The following NBAS variants were observed in gnomAD, a reference collection of about 807,000 sequenced individuals.
NBAS encodes the protein NBAS subunit of NRZ tethering complex.
A neutral mutation model predicts 302.5 loss-of-function variants in NBAS; 219 were observed. The ratio of observed to expected loss-of-function variants is 0.72; its 90% CI spans 0.65 to 0.81. The LOEUF is 0.81. Ranked by LOEUF, NBAS falls within the 30% of genes least tolerant of loss-of-function variation. The pLI, the probability that NBAS is intolerant of heterozygous loss-of-function variation, is 0.00. For synonymous variants in NBAS, 1,118 were observed against 1,021.6 expected, an observed-to-expected ratio of 1.09 and a Z score of -1.80; for missense variants, 2,932 against 2,841.6, an observed-to-expected ratio of 1.03 and a Z score of -0.72.
intron 21 of NBAS, among the ~76,000 whole-genome samples, chr2:15,439,961 A>C (rs1572853097): frequency 6.6e-6 from 1 of 152,220 alleles, no homozygotes; most frequent in Admixed American, 6.5e-5. Context: ...GGGAGGGGCA[A>C]CCGCCATTGC....
chr2:15,186,533 A>G (rs1394153655), intron 50 of NBAS, among the ~76,000 whole-genome samples: 2 of 152,196 alleles, frequency 1.3e-5, no homozygotes, highest in Admixed American at 1.3e-4. Flanking sequence ...GAACTTGTAC[A>G]GGAAACGCTG....
intron 35 of NBAS, among the ~76,000 whole-genome samples, chr2:15,332,545 A>T (rs892610651): frequency 2.0e-5 from 3 of 152,184 alleles, no homozygotes; most frequent in African/African-American, 7.2e-5. Context: ...CATGCAAAAA[A>T]AAAATAAAAT....
the NBAS span, among the ~76,000 whole-genome samples, chr2:14,924,969 T>C: frequency 6.6e-6 from 1 of 152,218 alleles, no homozygotes; most frequent in Non-Finnish European, 1.5e-5. Context: ...CTGACAGAAA[T>C]CTGCCTACTC....
chr2:15,244,337 C>A (rs1245718834), intron 44 of NBAS, among the ~76,000 whole-genome samples: 2 of 151,984 alleles, frequency 1.3e-5, no homozygotes, highest in Non-Finnish European at 2.9e-5. Context: ...CTCATGTGGC[C>A]CAGGAAGGAA....
the NBAS span, among the ~76,000 whole-genome samples, chr2:15,009,693 C>CATATATATATATATATATAT: frequency 7.8e-4 from 99 of 126,544 alleles, 1 homozygote; most frequent in Middle Eastern, 4.3e-3. Context: ...TGTAGGAATG[C>CATATATATATATATATATAT]ATATATATAT....
intron 21 of NBAS, among the ~76,000 whole-genome samples, chr2:15,459,503 C>CTTTTTTTTTTTTTT (rs66914120): frequency 2.1e-5 from 3 of 141,378 alleles, no homozygotes; most frequent in Non-Finnish European, 3.1e-5. Flanking sequence ...AGCATTTTTT[C>CTTTTTTTTTTTTTT]TTTTTTTTTG....
At chr2:15,560,027 G>A (rs532202586) in intron 1 of NBAS, among the ~76,000 whole-genome samples, 62 of 152,188 alleles carry the variant, frequency 4.1e-4, no homozygotes, top group African/African-American at 1.3e-3. Context: ...CAGTGGGAAG[G>A]AGGCTACAGA....
intron 25 of NBAS, 120 bp from the exon 26 acceptor site, chr2:15,402,421 T>C (rs545221710): frequency 1.1e-6 from 1 of 946,724 alleles, no homozygotes; most frequent in African/African-American, 1.6e-5. Flanking sequence ...TAGAAACAAG[T>C]CTTGATTTTT....
chr2:15,425,004 A>G (rs765082399), intron 22 of NBAS, among the ~76,000 whole-genome samples: 1 of 152,170 alleles, frequency 6.6e-6, no homozygotes, highest in Non-Finnish European at 1.5e-5. Flanking sequence ...TGACATTTGC[A>G]CAGCACAGGA....
chr2:15,036,466 C>T, the NBAS span, among the ~76,000 whole-genome samples: 12 of 152,302 alleles, frequency 7.9e-5, no homozygotes, highest in African/African-American at 2.9e-4. Context: ...TTCAAGATCA[C>T]ATCGGTAATA....
At chr2:15,281,439 G>C (rs1287842866) in intron 42 of NBAS, among the ~76,000 whole-genome samples, 1 of 152,162 alleles carries the variant, frequency 6.6e-6, no homozygotes, top group African/African-American at 2.4e-5. Flanking sequence ...ATACTGACTT[G>C]AAAAATAATT....
At chr2:14,874,659 A>G in the NBAS span, among the ~76,000 whole-genome samples, 3 of 147,160 alleles carry the variant, frequency 2.0e-5, no homozygotes, top group South Asian at 2.1e-4. Context: ...AAAAAAAAAA[A>G]AGAGATTATA....
At chr2:15,287,874 C>T (rs961674030) in intron 41 of NBAS, among the ~76,000 whole-genome samples, 3 of 151,712 alleles carry the variant, frequency 2.0e-5, no homozygotes, top group African/African-American at 7.3e-5. Context: ...CTGAGCACCC[C>T]GTGTAGGCAT....
At chr2:15,560,393 C>T (rs1342436156) in intron 1 of NBAS, among the ~76,000 whole-genome samples, 2 of 152,148 alleles carry the variant, frequency 1.3e-5, no homozygotes, top group Non-Finnish European at 2.9e-5. Flanking sequence ...CCTTCTGTAG[C>T]GGAGATCCCA....
intron 9 of NBAS, among the ~76,000 whole-genome samples, chr2:15,520,622 C>A (rs965349581): frequency 6.6e-6 from 1 of 150,416 alleles, no homozygotes; most frequent in Non-Finnish European, 1.5e-5. Context: ...AAAAAAAAAA[C>A]AGACAATATG....
chr2:14,821,505 T>A, the NBAS span, among the ~76,000 whole-genome samples: 1 of 152,136 alleles, frequency 6.6e-6, no homozygotes, highest in South Asian at 2.1e-4. Context: ...CCTTGCCTCC[T>A]TCCAGCCCTG....
At chr2:15,434,228 TAAACA>T (rs1404893521) in intron 21 of NBAS, among the ~76,000 whole-genome samples, 3 of 151,890 alleles carry the variant, frequency 2.0e-5, no homozygotes, top group African/African-American at 4.8e-5. Flanking sequence ...ACAAGAGAGA[TAAACA>T]AAACAAGAGA....
At chr2:14,988,785 G>T in the NBAS span, among the ~76,000 whole-genome samples, 2 of 152,154 alleles carry the variant, frequency 1.3e-5, no homozygotes, top group African/African-American at 4.8e-5. Context: ...TAAATTTTTA[G>T]CTGACAATTT....
chr2:15,053,222 C>T, the NBAS span, among the ~76,000 whole-genome samples: 1 of 152,122 alleles, frequency 6.6e-6, no homozygotes, highest in African/African-American at 2.4e-5. Context: ...CAGAGGTATG[C>T]CATATTCCTC....
Sources: gnomAD v4.1 joint callset for allele counts (sites outside exome capture counted in the v4.1 genomes callset) on GRCh38, gnomAD v4.1.1 for gene constraint, MANE v1.5 for transcripts, NCBI Gene and HGNC (gene_info 2026-07-23, HGNC 2026-07-21) for gene names.